ACOXL: variants seen among roughly 807,000 people sequenced by gnomAD.
ACOXL encodes the protein acyl-CoA oxidase like.
Under a neutral mutation model 71.9 loss-of-function variants are expected in ACOXL, and 70 were observed. The observed-to-expected ratio is 0.97, with a 90% CI of 0.80 to 1.19. The LOEUF (loss-of-function observed/expected upper bound fraction) is 1.19. ACOXL is among the 50% of genes most tolerant of loss of function. The probability of loss-of-function intolerance (pLI) is 0.00; values close to 1 mark genes in which losing one functional copy is unlikely to be tolerated. For synonymous variants in ACOXL, 253 were observed against 281.6 expected (o/e 0.90, Z 1.02); for missense variants, 703 against 736.3 (o/e 0.95, Z 0.52).
At chr2:110,809,713 G>T (rs1687083378) in intron 9 of ACOXL, among the ~76,000 whole-genome samples, 1 of 152,180 alleles carries the variant, frequency 6.6e-6, no homozygotes. Flanking sequence ...TAACCCTTTT[G>T]TGACCTTCTG....
intron 17 of ACOXL, among the ~76,000 whole-genome samples, chr2:111,103,612 G>A (rs1295068405): frequency 3.3e-5 from 5 of 152,108 alleles, no homozygotes; most frequent in Admixed American, 6.5e-5. Context: ...TCTGCATAAC[G>A]GTTCCATGAG....
At chr2:111,077,832 C>G (rs2067679170) in intron 16 of ACOXL, among the ~76,000 whole-genome samples, 1 of 152,092 alleles carries the variant, frequency 6.6e-6, no homozygotes, top group Non-Finnish European at 1.5e-5. Flanking sequence ...CAGCTGCTTT[C>G]AAGAATTTTT....
chr2:110,735,465 A>G (rs935284809), intron 1 of ACOXL, among the ~76,000 whole-genome samples: 2 of 152,164 alleles, frequency 1.3e-5, no homozygotes, highest in Admixed American at 1.3e-4. Flanking sequence ...GGGCCAGGCA[A>G]TCCCAGGGCA....
At chr2:110,825,873 C>T (rs564376045) in intron 9 of ACOXL, among the ~76,000 whole-genome samples, 1 of 152,248 alleles carries the variant, frequency 6.6e-6, no homozygotes, top group South Asian at 2.1e-4. Flanking sequence ...CTTTGTCCTT[C>T]TGGTTGACTA....
chr2:110,769,891 A>G (rs957440949), intron 2 of ACOXL, among the ~76,000 whole-genome samples: 1 of 151,898 alleles, frequency 6.6e-6, no homozygotes, highest in Admixed American at 6.6e-5. Flanking sequence ...CTAAACAAAT[A>G]CTAGCCAGGC....
intron 10 of ACOXL, among the ~76,000 whole-genome samples, chr2:110,861,176 AT>A (rs1693915958): frequency 6.6e-6 from 1 of 152,160 alleles, no homozygotes; most frequent in African/African-American, 2.4e-5. Flanking sequence ...TTCAGTATTG[AT>A]TTTTACAGAA....
chr2:110,816,065 A>T (rs189760859), intron 9 of ACOXL, among the ~76,000 whole-genome samples: 2 of 152,206 alleles, frequency 1.3e-5, no homozygotes, highest in African/African-American at 4.8e-5. Context: ...GGATGGGTAG[A>T]TGAATAGATG....
At chr2:110,886,836 C>T in intron 10 of ACOXL, 1 of 1,551,010 alleles carries the variant, frequency 6.4e-7, no homozygotes, top group Non-Finnish European at 8.7e-7. Flanking sequence ...TTATTGAGCC[C>T]CTCTTGTGGA....
intron 17 of ACOXL, among the ~76,000 whole-genome samples, chr2:111,114,810 A>G (rs1034468217): frequency 6.6e-6 from 1 of 151,908 alleles, no homozygotes; most frequent in Non-Finnish European, 1.5e-5. Context: ...GAGCAGAAAA[A>G]TAAATTGAGT....
intron 2 of ACOXL, among the ~76,000 whole-genome samples, chr2:110,769,259 AAAG>A (rs1382702127): frequency 6.6e-6 from 1 of 151,982 alleles, no homozygotes; most frequent in Non-Finnish European, 1.5e-5. Flanking sequence ...AGAAAGAAAG[AAAG>A]AAAAAAATAC....
At chr2:110,895,235 C>T (rs2058960057) in intron 10 of ACOXL, among the ~76,000 whole-genome samples, 1 of 151,680 alleles carries the variant, frequency 6.6e-6, no homozygotes, top group Non-Finnish European at 1.5e-5. Context: ...TAAAGCAGAA[C>T]CAAGTGAAAA....
chr2:111,001,708 T>A (rs1298406262), intron 14 of ACOXL, among the ~76,000 whole-genome samples: 1 of 152,240 alleles, frequency 6.6e-6, no homozygotes, highest in Non-Finnish European at 1.5e-5. Context: ...AGATAACTTG[T>A]CTCCTTAGTT....
chr2:110,959,433 T>G (rs1306998589), intron 12 of ACOXL, among the ~76,000 whole-genome samples: 1 of 152,112 alleles, frequency 6.6e-6, no homozygotes, highest in Non-Finnish European at 1.5e-5. Flanking sequence ...AAAGTCCCTT[T>G]AAGTGCGAAG....
chr2:110,869,650 C>G (rs940649810), intron 10 of ACOXL, among the ~76,000 whole-genome samples: 13 of 152,192 alleles, frequency 8.5e-5, no homozygotes, highest in African/African-American at 2.9e-4. Flanking sequence ...CCAGGTGACC[C>G]TCCCCTTATT....
chr2:111,010,165 A>G (rs1240534585), intron 14 of ACOXL, among the ~76,000 whole-genome samples: 2 of 152,220 alleles, frequency 1.3e-5, no homozygotes, highest in African/African-American at 2.4e-5. Flanking sequence ...TGAAATTAGC[A>G]GACAAGGGCT....
chr2:111,080,922 A>G (rs2067879018), intron 16 of ACOXL, among the ~76,000 whole-genome samples: 1 of 152,206 alleles, frequency 6.6e-6, no homozygotes, highest in Non-Finnish European at 1.5e-5. Context: ...GACAAAAACC[A>G]CATGATTATC....
chr2:110,763,080 G>A (rs1370922538), intron 1 of ACOXL, among the ~76,000 whole-genome samples: 1 of 152,138 alleles, frequency 6.6e-6, no homozygotes, highest in Non-Finnish European at 1.5e-5. Context: ...CTAAATAAAT[G>A]GTGGGATATT....
At chr2:110,790,619 C>T (rs561764122) in intron 3 of ACOXL, among the ~76,000 whole-genome samples, 4 of 152,318 alleles carry the variant, frequency 2.6e-5, no homozygotes, top group East Asian at 1.9e-4. Flanking sequence ...CACTGCTTTT[C>T]GCAGTCTCTC....
At chr2:110,747,605 T>A (rs1389253500) in intron 1 of ACOXL, among the ~76,000 whole-genome samples, 3 of 152,194 alleles carry the variant, frequency 2.0e-5, no homozygotes, top group Non-Finnish European at 4.4e-5. Flanking sequence ...TCCTGGAGGT[T>A]GGGACCCTGT....
Sources: allele counts gnomAD v4.1 joint callset (sites outside exome capture counted in the v4.1 genomes callset), GRCh38; gene constraint gnomAD v4.1.1; transcripts MANE v1.5; gene names NCBI Gene and HGNC (gene_info 2026-07-23, HGNC 2026-07-21).